Variants in KCNN3 observed in about 807,000 individuals in gnomAD.
The protein encoded by KCNN3 is potassium calcium-activated channel subfamily N member 3, also known as small conductance calcium-activated potassium channel protein 3.
A neutral mutation model predicts 62.9 loss-of-function variants in KCNN3; 16 were observed. That is an observed-to-expected ratio of 0.25 (90% CI 0.17 to 0.39). The LOEUF is 0.39. Ranked by LOEUF, KCNN3 falls within the 10% of genes least tolerant of loss-of-function variation. The probability of loss-of-function intolerance (pLI) is 1.00; values close to 1 mark genes in which losing one functional copy is unlikely to be tolerated. For synonymous variants in KCNN3, 370 were observed against 389.2 expected (o/e 0.95, Z 0.58); for missense variants, 599 against 949.4 (o/e 0.63, Z 4.85).
intron 5 of KCNN3, among the ~76,000 whole-genome samples, chr1:154,720,609 T>G (rs1398685842): frequency 6.6e-6 from 1 of 152,264 alleles, no homozygotes. Context: ...GATCAAACTT[T>G]GGCATATGCT....
chr1:154,814,338 T>C (rs2101887243), intron 2 of KCNN3, among the ~76,000 whole-genome samples: 1 of 152,366 alleles, frequency 6.6e-6, no homozygotes, highest in East Asian at 1.9e-4. Context: ...TCTCATGCCT[T>C]TGGGGGTCCA....
intron 1 of KCNN3, among the ~76,000 whole-genome samples, chr1:154,843,696 C>T (rs962278523): frequency 7.9e-5 from 12 of 152,152 alleles, no homozygotes; most frequent in Non-Finnish European, 1.6e-4. Flanking sequence ...AGAAACCAGG[C>T]GGGGTAGGTG....
intron 3 of KCNN3, among the ~76,000 whole-genome samples, chr1:154,735,904 G>C (rs1013372134): frequency 6.6e-6 from 1 of 152,204 alleles, no homozygotes; most frequent in Non-Finnish European, 1.5e-5. Flanking sequence ...ACACAGAAGG[G>C]AGAAGACGTA....
intron 2 of KCNN3, among the ~76,000 whole-genome samples, chr1:154,815,195 A>T (rs1418210004): frequency 6.6e-6 from 1 of 152,146 alleles, no homozygotes; most frequent in African/African-American, 2.4e-5. Flanking sequence ...CTAATTCATC[A>T]ACCAACCAGC....
chr1:154,832,911 A>G (rs1651431824), intron 1 of KCNN3, among the ~76,000 whole-genome samples: 1 of 152,206 alleles, frequency 6.6e-6, no homozygotes, highest in East Asian at 1.9e-4. Flanking sequence ...AGCTAATTAC[A>G]GGGAACTGGC....
At chr1:154,747,899 C>T (rs1700974310) in intron 3 of KCNN3, among the ~76,000 whole-genome samples, 1 of 152,222 alleles carries the variant, frequency 6.6e-6, no homozygotes, top group Non-Finnish European at 1.5e-5. Flanking sequence ...CATGCTGGCC[C>T]CTCTGCCCGG....
At chr1:154,798,916 A>ATTTTTTT (rs56240234) in intron 2 of KCNN3, among the ~76,000 whole-genome samples, 2 of 131,280 alleles carry the variant, frequency 1.5e-5, no homozygotes, top group African/African-American at 5.6e-5. Flanking sequence ...CACTTATTGC[A>ATTTTTTT]TTTTTTTTTT....
At chr1:154,756,299 G>A (rs1164486767) in intron 3 of KCNN3, among the ~76,000 whole-genome samples, 1 of 151,618 alleles carries the variant, frequency 6.6e-6, no homozygotes, top group Non-Finnish European at 1.5e-5. Flanking sequence ...AGGAGGAGGA[G>A]GAAGAGGAAG....
At chr1:154,757,057 T>C (rs1394873254) in intron 3 of KCNN3, among the ~76,000 whole-genome samples, 1 of 152,002 alleles carries the variant, frequency 6.6e-6, no homozygotes, top group Non-Finnish European at 1.5e-5. Flanking sequence ...GGAGCAAGCA[T>C]GATGAAGGGA....
intron 3 of KCNN3, among the ~76,000 whole-genome samples, chr1:154,769,028 C>A (rs1445744612): frequency 6.6e-6 from 1 of 152,072 alleles, no homozygotes; most frequent in African/African-American, 2.4e-5. Flanking sequence ...TTTGGCTCCA[C>A]GCTTATTATT....
rs1321937466 is a variant in KCNN3 at position 154,862,544 on chromosome 1, C to T, written c.933+6488G>A. Among the ~76,000 whole-genome samples the T allele has an allele frequency of 1.3e-5, 2 of 152,064 alleles. No individual in the cohort carries two copies. The highest frequency in any genetic ancestry group is 4.8e-5 in the African/African-American group (2 of 41,384). On this transcript the variant is annotated intron_variant, in intron 1 of 7. Coordinates refer to ENST00000271915, the MANE Select transcript of KCNN3 (RefSeq NM_002249.6). This position sits in a 1 kb window ranked among gnomAD's most constrained non-coding sequence, Gnocchi z 4.1. ...GGGGTGCTAGGGGCTGTGGAAGGAG[C>T]TTTTGCAGGAAGGGCTTTCATTTTC...
At chr1:154,719,582 G>A (rs540153634) in intron 5 of KCNN3, among the ~76,000 whole-genome samples, 33 of 152,184 alleles carry the variant, frequency 2.2e-4, no homozygotes, top group Non-Finnish European at 4.6e-4. Context: ...GTGCATGACT[G>A]TAACTTCAAG....
intron 1 of KCNN3, among the ~76,000 whole-genome samples, chr1:154,827,661 T>C (rs1209985084): frequency 6.6e-6 from 1 of 152,036 alleles, no homozygotes; most frequent in Non-Finnish European, 1.5e-5. Context: ...TAGCTGGGCA[T>C]GGTGGTGCAA....
intron 2 of KCNN3, among the ~76,000 whole-genome samples, chr1:154,775,882 C>T (rs1211512024): frequency 6.6e-6 from 1 of 152,228 alleles, no homozygotes; most frequent in Non-Finnish European, 1.5e-5. Context: ...TCTTCAAATA[C>T]AAAATTAAAA....
chr1:154,790,450 C>T (rs1008400905), intron 2 of KCNN3, among the ~76,000 whole-genome samples: 7 of 152,176 alleles, frequency 4.6e-5, no homozygotes, highest in Admixed American at 2.6e-4. Flanking sequence ...CTTACATTAG[C>T]CTACATTTGA....
At chr1:154,743,372 A>G (rs1248852702) in intron 3 of KCNN3, among the ~76,000 whole-genome samples, 1 of 152,178 alleles carries the variant, frequency 6.6e-6, no homozygotes, top group Non-Finnish European at 1.5e-5. Flanking sequence ...AAAGTAAGAC[A>G]AAAGTTCCTG....
At position 154,700,089 on chromosome 1, in the gene KCNN3, A is replaced by G. The variant is rs1699822428; in HGVS notation, c.*7887T>C. 6.6e-6 allele frequency: 1 copy of G among 152,174 alleles called. No homozygotes were observed. The highest frequency in any genetic ancestry group is 1.5e-5 in the Non-Finnish European group (1 of 68,038). 9.4% of individuals were successfully genotyped at this position (152,174 alleles called of 1,614,324 possible). A position where few individuals can be genotyped will look rare whatever the true frequency, so the allele number is the denominator to read the frequency against. Reference sequence around the variant, plus strand: ...GATCATTCAGGACCTTCACATCTTCAAATAATTCTGTAAATGAGACTCAAG... The same window carrying G: ...GATCATTCAGGACCTTCACATCTTCGAATAATTCTGTAAATGAGACTCAAG... On this transcript the variant is annotated 3_prime_UTR_variant, in exon 8 of 8. Transcript: ENST00000271915.
intron 3 of KCNN3, among the ~76,000 whole-genome samples, chr1:154,754,957 C>G (rs1267720780): frequency 6.6e-6 from 1 of 152,150 alleles, no homozygotes; most frequent in Non-Finnish European, 1.5e-5. Flanking sequence ...GACATCAGTA[C>G]AGGAGAAGAT....
intron 1 of KCNN3, among the ~76,000 whole-genome samples, chr1:154,847,142 C>T (rs922001437): frequency 2.6e-5 from 4 of 152,092 alleles, no homozygotes; most frequent in Admixed American, 2.0e-4. Flanking sequence ...CTACCAGGGC[C>T]CCTGTGTGCC....
Sources: allele counts gnomAD v4.1 joint callset (sites outside exome capture counted in the v4.1 genomes callset), GRCh38; gene constraint gnomAD v4.1.1; non-coding constraint Gnocchi (gnomAD v3.1); transcripts MANE v1.5; gene names NCBI Gene and HGNC (gene_info 2026-07-23, HGNC 2026-07-21).